Variants in FOXP2 observed in about 807,000 individuals in gnomAD.
The protein encoded by FOXP2 is forkhead box P2.
Under a neutral mutation model 115.8 loss-of-function variants are expected in FOXP2, and 12 were observed. The observed-to-expected ratio is 0.10, with a 90% CI of 0.07 to 0.17. The LOEUF is 0.17. Among genes scored for constraint, FOXP2 ranks in the 10% least tolerant of loss-of-function variants. FOXP2 has a pLI of 1.00. For missense variants in FOXP2, 629 were observed against 843.5 expected (o/e 0.75, Z 3.15); for synonymous variants, 328 against 297.7 (o/e 1.10, Z -1.05).
chr7:114,590,097 C>A (rs548636289), intron 3 of FOXP2, among the ~76,000 whole-genome samples: 1 of 152,102 alleles, frequency 6.6e-6, no homozygotes, highest in South Asian at 2.1e-4. Flanking sequence ...AAAATGCATA[C>A]ACTGATGCCA....
intron 2 of FOXP2, among the ~76,000 whole-genome samples, chr7:114,331,704 G>A (rs760941881): frequency 1.3e-5 from 2 of 148,612 alleles, no homozygotes; most frequent in Non-Finnish European, 3.0e-5. Flanking sequence ...GTCTCACTCT[G>A]TCGCCCAGGC....
At chr7:114,152,689 T>G (rs971654146) in intron 1 of FOXP2, among the ~76,000 whole-genome samples, 5 of 152,054 alleles carry the variant, frequency 3.3e-5, no homozygotes, top group African/African-American at 1.2e-4. Context: ...GTTTGGGGCT[T>G]TGTTTTTGGA....
intron 1 of FOXP2, among the ~76,000 whole-genome samples, chr7:114,152,471 C>T (rs1323032212): frequency 6.6e-6 from 1 of 152,184 alleles, no homozygotes; most frequent in East Asian, 1.9e-4. Flanking sequence ...AAATAAATCT[C>T]TTTTACATGC....
intron 1 of FOXP2, among the ~76,000 whole-genome samples, chr7:114,137,893 C>A (rs1310426840): frequency 1.3e-5 from 2 of 151,888 alleles, no homozygotes; most frequent in Admixed American, 6.6e-5. Flanking sequence ...GGCCTAGAAG[C>A]AACAGACATT....
chr7:114,475,205 C>G (rs1220745475), intron 2 of FOXP2, among the ~76,000 whole-genome samples: 1 of 151,764 alleles, frequency 6.6e-6, no homozygotes, highest in Non-Finnish European at 1.5e-5. Context: ...TTAAGGTGAC[C>G]CCTAGTTTCA....
At chr7:114,515,947 G>A (rs1428390377) in intron 2 of FOXP2, among the ~76,000 whole-genome samples, 2 of 152,126 alleles carry the variant, frequency 1.3e-5, no homozygotes, top group Non-Finnish European at 2.9e-5. Flanking sequence ...ATGCTCATGG[G>A]TAGGAAGAAT....
chr7:114,351,913 A>T (rs1791499089), intron 2 of FOXP2, among the ~76,000 whole-genome samples: 1 of 152,150 alleles, frequency 6.6e-6, no homozygotes, highest in South Asian at 2.1e-4. Flanking sequence ...GATGTGGTAT[A>T]GTATGCACTA....
At chr7:114,522,166 G>T (rs1798655073) in intron 2 of FOXP2, among the ~76,000 whole-genome samples, 1 of 152,104 alleles carries the variant, frequency 6.6e-6, no homozygotes, top group African/African-American at 2.4e-5. Flanking sequence ...GGTGAGGTAG[G>T]TTCTTCAATA....
intron 2 of FOXP2, among the ~76,000 whole-genome samples, chr7:114,472,983 C>T (rs962128507): frequency 1.3e-5 from 2 of 152,144 alleles, no homozygotes; most frequent in African/African-American, 4.8e-5. Flanking sequence ...CTACTGTCTT[C>T]AGCAGACATC....
At chr7:114,123,110 G>A (rs1393431219) in intron 1 of FOXP2, among the ~76,000 whole-genome samples, 1 of 151,946 alleles carries the variant, frequency 6.6e-6, no homozygotes, top group Admixed American at 6.6e-5. Flanking sequence ...CAGCACTTGG[G>A]GAGGCTGAGA....
At position 114,692,409 on chromosome 7, in the gene FOXP2, G is replaced by T. The variant is rs1342360698; in HGVS notation, c.*2483G>T. ...AAACCTCCAAAACTGCAATTGCTTTGAAAATAGATTTTAGGTTTTTTGGAG... is the reference window on the plus strand; with the variant it reads ...AAACCTCCAAAACTGCAATTGCTTTTAAAATAGATTTTAGGTTTTTTGGAG... On this transcript the variant is annotated 3_prime_UTR_variant, in exon 17 of 17. Coordinates refer to ENST00000350908, the MANE Select transcript of FOXP2 (RefSeq NM_014491.4). The T allele has an allele frequency of 2.2e-6, 1 of 450,644 alleles. No homozygotes were observed. The highest frequency in any genetic ancestry group is 1.6e-5 in the South Asian group (1 of 63,430). The allele number at this position is 450,644 out of a possible 1,614,324, so 27.9% of individuals were successfully genotyped here.
chr7:114,307,315 C>A (rs1172189329), intron 2 of FOXP2, among the ~76,000 whole-genome samples: 1 of 152,076 alleles, frequency 6.6e-6, no homozygotes, highest in East Asian at 1.9e-4. Context: ...CCCCCCGAGT[C>A]CTGGACTCAG....
chr7:114,342,721 G>A (rs556673618), intron 2 of FOXP2, among the ~76,000 whole-genome samples: 1 of 151,472 alleles, frequency 6.6e-6, no homozygotes, highest in East Asian at 1.9e-4. Flanking sequence ...ACAGTCTTCT[G>A]TCTTTAACTA....
intron 1 of FOXP2, among the ~76,000 whole-genome samples, chr7:114,130,901 T>C (rs984783579): frequency 1.3e-5 from 2 of 152,240 alleles, no homozygotes; most frequent in Non-Finnish European, 2.9e-5. Flanking sequence ...CTACTACATT[T>C]TATCATAATG....
chr7:114,691,804 G>A lies in FOXP2; in HGVS notation c.*1878G>A, dbSNP rs970284635. On this transcript the variant is annotated 3_prime_UTR_variant, in exon 17 of 17. Coordinates refer to ENST00000350908, the MANE Select transcript of FOXP2 (RefSeq NM_014491.4). ...AAACTAAGCTCATCATTGATTCTTT[G>A]CTGAAGTCAGCAAATAGAGTTAGAG... The A allele has an allele frequency of 2.2e-6, 1 of 453,062 alleles. No individual in the cohort carries two copies. Among genetic ancestry groups the A allele is most frequent in the African/African-American group, 2.0e-5 (1 of 49,758 alleles). 28.1% of individuals were successfully genotyped at this position (453,062 alleles called of 1,614,324 possible).
chr7:114,428,124 C>T (rs1793946086), intron 2 of FOXP2, among the ~76,000 whole-genome samples: 1 of 151,444 alleles, frequency 6.6e-6, no homozygotes, highest in Admixed American at 6.6e-5. Context: ...AAGTGAGAGT[C>T]CTAAGTATTT....
rs1357245458 is a variant in FOXP2, at chr7:114,682,804, G to A, written c.2004-6978G>A. 2.6e-5 allele frequency among the ~76,000 whole-genome samples: 4 copies of A among 152,062 alleles called. No individual in the cohort carries two copies. The East Asian group carries it at 7.7e-4, about 29-fold the overall frequency. Reference sequence around the variant, plus strand: ...GACAAGTGAAAACATGGAGCACTTTGAGATCCAAAAATGAGAAACCTAATA... The same window carrying A: ...GACAAGTGAAAACATGGAGCACTTTAAGATCCAAAAATGAGAAACCTAATA... On this transcript the variant is annotated intron_variant, in intron 16 of 16. Coordinates refer to ENST00000350908, the MANE Select transcript of FOXP2 (RefSeq NM_014491.4).
At chr7:114,646,487 C>T (rs1314061325) in intron 8 of FOXP2, among the ~76,000 whole-genome samples, 1 of 151,692 alleles carries the variant, frequency 6.6e-6, no homozygotes, top group Non-Finnish European at 1.5e-5. Context: ...TTTAAAAAAC[C>T]AAAGAAATTA....
At chr7:114,365,563 T>C (rs1303871507) in intron 2 of FOXP2, among the ~76,000 whole-genome samples, 1 of 152,092 alleles carries the variant, frequency 6.6e-6, no homozygotes, top group Non-Finnish European at 1.5e-5. Flanking sequence ...CATTGTATGA[T>C]TTTTTTACAC....
Sources: gnomAD v4.1 joint callset for allele counts (sites outside exome capture counted in the v4.1 genomes callset) on GRCh38, gnomAD v4.1.1 for gene constraint, MANE v1.5 for transcripts, NCBI Gene and HGNC (gene_info 2026-07-23, HGNC 2026-07-21) for gene names.